PPARGC1A: variants seen among roughly 807,000 people sequenced by gnomAD.
The protein encoded by PPARGC1A is peroxisome proliferator-activated receptor gamma coactivator 1-alpha.
PPARGC1A carries 25 observed loss-of-function variants against 88.7 expected under a neutral mutation model. The ratio of observed to expected loss-of-function variants is 0.28; its 90% CI spans 0.21 to 0.39. The LOEUF (loss-of-function observed/expected upper bound fraction) is 0.39. PPARGC1A is among the 10% of genes least tolerant of loss of function. The pLI, the probability that PPARGC1A is intolerant of heterozygous loss-of-function variation, is 1.00. For missense variants in PPARGC1A, 880 were observed against 968.7 expected, an observed-to-expected ratio of 0.91 and a Z score of 1.22; for synonymous variants, 363 against 355.6, an observed-to-expected ratio of 1.02 and a Z score of -0.24.
the PPARGC1A span, among the ~76,000 whole-genome samples, chr4:24,203,214 G>C: frequency 6.6e-6 from 1 of 152,186 alleles, no homozygotes; most frequent in African/African-American, 2.4e-5. Context: ...AGGCAAGTAA[G>C]AGCACAGAAA....
chr4:24,421,303 G>A, the PPARGC1A span, among the ~76,000 whole-genome samples: 1 of 144,380 alleles, frequency 6.9e-6, no homozygotes, highest in Non-Finnish European at 1.5e-5. Context: ...CAAGTTTAAT[G>A]AACAGTTCAC....
the PPARGC1A span, among the ~76,000 whole-genome samples, chr4:24,439,172 C>G: frequency 3.3e-5 from 5 of 152,168 alleles, no homozygotes; most frequent in African/African-American, 1.2e-4. Flanking sequence ...ACACCCATCT[C>G]TGATTCTTCT....
the PPARGC1A span, among the ~76,000 whole-genome samples, chr4:24,200,352 A>G: frequency 6.6e-6 from 1 of 151,982 alleles, no homozygotes; most frequent in Non-Finnish European, 1.5e-5. Context: ...CTCTACTAGA[A>G]ATACAAAAAT....
chr4:24,461,514 G>A, the PPARGC1A span, among the ~76,000 whole-genome samples: 309 of 152,226 alleles, frequency 2.0e-3, 3 homozygotes, highest in East Asian at 0.037. Flanking sequence ...TGAAGATGAC[G>A]TGTGTATGGA....
At chr4:24,345,155 T>C in the PPARGC1A span, among the ~76,000 whole-genome samples, 3 of 152,214 alleles carry the variant, frequency 2.0e-5, no homozygotes, top group East Asian at 1.9e-4. Flanking sequence ...TCGGTGACTA[T>C]AGCCTTATAG....
chr4:24,121,165 A>G, the PPARGC1A span, among the ~76,000 whole-genome samples: 2 of 152,200 alleles, frequency 1.3e-5, no homozygotes, highest in East Asian at 1.9e-4. Context: ...CAGAAGCCCA[A>G]GCCACTAGGG....
At chr4:24,317,348 C>A in the PPARGC1A span, among the ~76,000 whole-genome samples, 1 of 151,742 alleles carries the variant, frequency 6.6e-6, no homozygotes, top group Admixed American at 6.6e-5. Flanking sequence ...AAAGTGTGAC[C>A]AGTCCAGTGA....
the PPARGC1A span, among the ~76,000 whole-genome samples, chr4:24,229,013 G>A: frequency 1.5e-4 from 23 of 152,160 alleles, no homozygotes; most frequent in Non-Finnish European, 2.9e-4. Context: ...GCTTTGGGAC[G>A]CAAGGTTTGT....
At chr4:23,999,392 C>G in the PPARGC1A span, among the ~76,000 whole-genome samples, 1 of 152,200 alleles carries the variant, frequency 6.6e-6, no homozygotes, top group Non-Finnish European at 1.5e-5. Context: ...CCTTTCCTGT[C>G]TATTAGCTTT....
At chr4:23,938,575 C>T in the PPARGC1A span, among the ~76,000 whole-genome samples, 6 of 152,074 alleles carry the variant, frequency 3.9e-5, no homozygotes, top group African/African-American at 7.2e-5. Flanking sequence ...AAAGATGACA[C>T]GGAGAGCTCT....
the PPARGC1A span, among the ~76,000 whole-genome samples, chr4:24,138,067 G>C: frequency 6.6e-6 from 1 of 152,162 alleles, no homozygotes; most frequent in Non-Finnish European, 1.5e-5. Context: ...CGTGAGCATA[G>C]AGCCCAAAGT....
chr4:24,112,830 C>G, the PPARGC1A span, among the ~76,000 whole-genome samples: 3 of 152,170 alleles, frequency 2.0e-5, no homozygotes, highest in Non-Finnish European at 4.4e-5. Context: ...CGAGACCCAT[C>G]TCTTGCCCTA....
the PPARGC1A span, among the ~76,000 whole-genome samples, chr4:23,957,112 C>T: frequency 2.6e-5 from 4 of 152,078 alleles, no homozygotes; most frequent in African/African-American, 9.7e-5. Flanking sequence ...CAGCGAAGTG[C>T]TTCAGAGACA....
At chr4:23,912,831 C>A in the PPARGC1A span, among the ~76,000 whole-genome samples, 1 of 151,320 alleles carries the variant, frequency 6.6e-6, no homozygotes, top group Non-Finnish European at 1.5e-5. Flanking sequence ...CTCTGTCGCC[C>A]AGGCTGGAGT....
the PPARGC1A span, among the ~76,000 whole-genome samples, chr4:23,997,613 G>T: frequency 7.0e-6 from 1 of 143,822 alleles, no homozygotes; most frequent in African/African-American, 2.6e-5. Flanking sequence ...AGCATTTCTC[G>T]TGCTCAGCCT....
the PPARGC1A span, among the ~76,000 whole-genome samples, chr4:24,325,728 C>A: frequency 6.6e-6 from 1 of 152,186 alleles, no homozygotes; most frequent in Admixed American, 6.5e-5. Flanking sequence ...AGATGCCGAG[C>A]TTTGAGTAAC....
At chr4:24,007,056 T>C in the PPARGC1A span, among the ~76,000 whole-genome samples, 3 of 152,174 alleles carry the variant, frequency 2.0e-5, no homozygotes, top group Admixed American at 6.5e-5. Flanking sequence ...TATGTCATAG[T>C]TTAATTGTCA....
chr4:23,854,754 A>G (rs1729884900), intron 2 of PPARGC1A, among the ~76,000 whole-genome samples: 4 of 152,080 alleles, frequency 2.6e-5, no homozygotes, highest in Admixed American at 2.0e-4. Flanking sequence ...TCATTTTTAT[A>G]TTCCAAGTAT....
At chr4:24,153,781 T>G in the PPARGC1A span, among the ~76,000 whole-genome samples, 1 of 152,186 alleles carries the variant, frequency 6.6e-6, no homozygotes, top group Non-Finnish European at 1.5e-5. Flanking sequence ...TTTTGTTGGC[T>G]GGACTGTAGA....
Sources: gnomAD v4.1 joint callset for allele counts (sites outside exome capture counted in the v4.1 genomes callset) on GRCh38, gnomAD v4.1.1 for gene constraint, MANE v1.5 for transcripts, NCBI Gene and HGNC (gene_info 2026-07-23, HGNC 2026-07-21) for gene names.